CASD1: variants seen among roughly 807,000 people sequenced by gnomAD.
The protein encoded by CASD1 is N-acetylneuraminate (7)9-O-acetyltransferase.
CASD1 carries 41 observed loss-of-function variants against 100.0 expected under a neutral mutation model. The ratio of observed to expected loss-of-function variants is 0.41; its 90% CI spans 0.32 to 0.53. The LOEUF (loss-of-function observed/expected upper bound fraction) is 0.53. CASD1 is among the 20% of genes least tolerant of loss of function. CASD1 has a pLI of 0.25. For synonymous variants in CASD1, 321 were observed against 315.6 expected (o/e 1.02, Z -0.18); for missense variants, 774 against 948.7 (o/e 0.82, Z 2.42).
the CASD1 span, among the ~76,000 whole-genome samples, chr7:94,613,542 T>C: frequency 6.6e-6 from 1 of 152,118 alleles, no homozygotes; most frequent in African/African-American, 2.4e-5. Context: ...CTAGATAGAG[T>C]TGTTTCTTGT....
At chr7:94,589,112 A>C in the CASD1 span, 1 of 245,724 alleles carries the variant, frequency 4.1e-6, no homozygotes, top group Admixed American at 4.9e-5. Flanking sequence ...TAACCTATAC[A>C]CTTTCAGATC....
At chr7:94,520,049 A>G (rs1794184903) in intron 3 of CASD1, among the ~76,000 whole-genome samples, 1 of 152,214 alleles carries the variant, frequency 6.6e-6, no homozygotes. Flanking sequence ...AGTTATCCCA[A>G]GATTATCAAA....
At chr7:94,527,032 A>G in intron 3 of CASD1, 130 bp from the exon 4 acceptor site, 2 of 675,838 alleles carry the variant, frequency 3.0e-6, no homozygotes, top group African/African-American at 1.8e-5. Context: ...ATGTATAGAT[A>G]ATTGAGATTT....
At chr7:94,516,829 A>T (rs1260644818) in intron 1 of CASD1, among the ~76,000 whole-genome samples, 2 of 151,904 alleles carry the variant, frequency 1.3e-5, no homozygotes, top group Non-Finnish European at 1.5e-5. Context: ...GTCTCCAGGT[A>T]TGCTGATGCA....
chr7:94,630,500 A>G, the CASD1 span, among the ~76,000 whole-genome samples: 184 of 152,076 alleles, frequency 1.2e-3, no homozygotes, highest in Non-Finnish European at 1.8e-3. Flanking sequence ...GCTGCATCCT[A>G]AATAAGCAAT....
At chr7:94,601,909 T>C in the CASD1 span, among the ~76,000 whole-genome samples, 1 of 152,140 alleles carries the variant, frequency 6.6e-6, no homozygotes, top group Non-Finnish European at 1.5e-5. Context: ...ACTGTATGAA[T>C]CTTATTTAAC....
intron 10 of CASD1, among the ~76,000 whole-genome samples, chr7:94,543,840 A>G (rs937663296): frequency 5.9e-5 from 9 of 152,180 alleles, no homozygotes; most frequent in East Asian, 1.9e-4. Context: ...ATTTCATTCA[A>G]CTTAGAAGTA....
the CASD1 span, chr7:94,588,355 TC>T: frequency 1.8e-6 from 2 of 1,126,210 alleles, no homozygotes; most frequent in Non-Finnish European, 2.2e-6. Flanking sequence ...CTGAGACAAA[TC>T]CTGGATGCAT....
At chr7:94,564,421 TAAG>T in the CASD1 span, among the ~76,000 whole-genome samples, 1 of 152,230 alleles carries the variant, frequency 6.6e-6, no homozygotes, top group East Asian at 1.9e-4. Context: ...ACCCCTGGGA[TAAG>T]AAATTGTAAT....
At chr7:94,557,856 C>G (rs1194160877), downstream of CASD1, among the ~76,000 whole-genome samples, 2 of 151,788 alleles carry the variant, frequency 1.3e-5, no homozygotes, top group Non-Finnish European at 2.9e-5. Flanking sequence ...GTGGAAGTTG[C>G]CACAATGATA....
chr7:94,537,414 T>C (rs995037630), intron 8 of CASD1, 58 bp from the exon 9 acceptor site: 2 of 1,483,210 alleles, frequency 1.3e-6, no homozygotes, highest in Admixed American at 2.2e-5. Context: ...CAGGAGAAAA[T>C]TTAATGTGAA....
the CASD1 span, among the ~76,000 whole-genome samples, chr7:94,610,912 G>A: frequency 1.1e-4 from 17 of 151,992 alleles, no homozygotes; most frequent in Admixed American, 7.9e-4. Context: ...CAACATCACC[G>A]GCCATCAGCA....
At chr7:94,539,615 G>A (rs1795287826) in intron 10 of CASD1, among the ~76,000 whole-genome samples, 1 of 146,772 alleles carries the variant, frequency 6.8e-6, no homozygotes, top group Non-Finnish European at 1.5e-5. Flanking sequence ...GTTGCAATGA[G>A]CCGATATTTC....
chr7:94,590,478 G>A, the CASD1 span: 2 of 152,036 alleles, frequency 1.3e-5, no homozygotes, highest in African/African-American at 4.8e-5. Context: ...GCATTATAAA[G>A]TATATACATT....
chr7:94,601,335 G>A, the CASD1 span, among the ~76,000 whole-genome samples: 20 of 149,458 alleles, frequency 1.3e-4, no homozygotes, highest in South Asian at 4.2e-3. Flanking sequence ...ATTTCCAAAC[G>A]TGTCGTCCTT....
At chr7:94,527,987 A>G (rs1374701949) in intron 4 of CASD1, among the ~76,000 whole-genome samples, 4 of 152,254 alleles carry the variant, frequency 2.6e-5, no homozygotes, top group African/African-American at 9.6e-5. Flanking sequence ...AAATGTGGAC[A>G]GTAGGTTAGA....
At chr7:94,524,357 G>GA (rs1282283670) in intron 3 of CASD1, 1 of 151,994 alleles carries the variant, frequency 6.6e-6, no homozygotes, top group Non-Finnish European at 1.5e-5. Context: ...GCAAACTAAT[G>GA]AAAAAGATAA....
At chr7:94,608,671 T>G in the CASD1 span, among the ~76,000 whole-genome samples, 1 of 152,124 alleles carries the variant, frequency 6.6e-6, no homozygotes, top group East Asian at 1.9e-4. Context: ...AACATCAAGA[T>G]TTACTATAAA....
chr7:94,629,785 C>T, the CASD1 span: 2 of 1,610,934 alleles, frequency 1.2e-6, no homozygotes, highest in Non-Finnish European at 1.7e-6. Flanking sequence ...ACAAAGAGGA[C>T]ACCTGCTGAT....
Sources: allele counts gnomAD v4.1 joint callset (sites outside exome capture counted in the v4.1 genomes callset), GRCh38; gene constraint gnomAD v4.1.1; transcripts MANE v1.5; gene names NCBI Gene and HGNC (gene_info 2026-07-23, HGNC 2026-07-21).